The following SDK2 variants were observed in gnomAD, a reference collection of about 807,000 sequenced individuals.
The protein encoded by SDK2 is sidekick cell adhesion molecule 2, also known as protein sidekick-2.
In SDK2, 105 loss-of-function variants were observed where a neutral mutation model predicts 253.9. The observed-to-expected ratio is 0.41, with a 90% CI of 0.35 to 0.49. The LOEUF (loss-of-function observed/expected upper bound fraction) is 0.49. Among genes scored for constraint, SDK2 ranks in the 20% least tolerant of loss-of-function variants. The probability of loss-of-function intolerance (pLI) is 0.06; values close to 1 mark genes in which losing one functional copy is unlikely to be tolerated. For synonymous variants in SDK2, 1,249 were observed against 1,234.9 expected, an observed-to-expected ratio of 1.01 and a Z score of -0.24; for missense variants, 2,608 against 3,003.0, an observed-to-expected ratio of 0.87 and a Z score of 3.07.
In SDK2 at chr17:73,407,515, CAG is replaced by C. The variant is rs559173595; in HGVS notation, c.2485-5376_2485-5375del. ...TAATACTACCAAACCCAAAACAAAA[CAG>C]AAAGACGTCCCCCTCCAACCCAAGC... On this transcript the variant is annotated intron_variant, in intron 18 of 44. Transcript: ENST00000392650. Among the ~76,000 whole-genome samples, 14 of 152,226 alleles carry C rather than the reference CAG, an allele frequency of 9.2e-5. No individual in the cohort carries two copies. In the South Asian group the frequency reaches 2.9e-3, roughly 32 times the overall value.
Position 73,579,058 on chromosome 17 carries a change from C to A in SDK2, c.64+64967G>T, listed in dbSNP as rs557068191. On this transcript the variant is annotated intron_variant, in intron 1 of 44. Coordinates refer to ENST00000392650, the MANE Select transcript of SDK2 (RefSeq NM_001144952.2). ...GCCATCCCCACCCCTCCCTTCCCCT[C>A]GGCATCCTCACTGGTTCCTCCTGGG... 2.0e-5 allele frequency among the ~76,000 whole-genome samples: 3 copies of A among 152,158 alleles called. No homozygotes were observed. In the East Asian group the frequency reaches 5.8e-4, roughly 30 times the overall value.
At chr17:73,576,231 C>T (rs1438393701) in intron 1 of SDK2, among the ~76,000 whole-genome samples, 1 of 152,102 alleles carries the variant, frequency 6.6e-6, no homozygotes, top group African/African-American at 2.4e-5. Context: ...GAGGGAACGT[C>T]CCAAGGATGA....
intron 2 of SDK2, among the ~76,000 whole-genome samples, chr17:73,480,047 A>C (rs1230184750): frequency 1.3e-5 from 2 of 151,950 alleles, no homozygotes; most frequent in Admixed American, 6.6e-5. Flanking sequence ...CCCAATAGTT[A>C]TTTTTTTCTG....
At chr17:73,371,289 A>C (rs945768696) in intron 36 of SDK2, among the ~76,000 whole-genome samples, 4 of 151,758 alleles carry the variant, frequency 2.6e-5, no homozygotes, top group African/African-American at 9.7e-5. Context: ...TGGGAGAATG[A>C]ATGGATTCTC....
chr17:73,523,325 A>C (rs1013759596), intron 1 of SDK2, among the ~76,000 whole-genome samples: 1 of 151,794 alleles, frequency 6.6e-6, no homozygotes, highest in African/African-American at 2.4e-5. Flanking sequence ...GTGCTGTGGA[A>C]TGCTCTTCAT....
At chr17:73,360,066 G>A (rs969955394) in intron 39 of SDK2, among the ~76,000 whole-genome samples, 6 of 152,188 alleles carry the variant, frequency 3.9e-5, no homozygotes, top group Admixed American at 1.3e-4. Context: ...CCTGTCCTCC[G>A]CACAGCCCTC....
intron 1 of SDK2, among the ~76,000 whole-genome samples, chr17:73,573,288 G>A (rs1466043546): frequency 2.6e-5 from 4 of 152,136 alleles, no homozygotes; most frequent in African/African-American, 7.2e-5. Context: ...GTCTAAGGAG[G>A]GTGAGTGAGG....
intron 37 of SDK2, among the ~76,000 whole-genome samples, chr17:73,365,731 G>T (rs547284965): frequency 1.9e-4 from 29 of 152,264 alleles, no homozygotes; most frequent in Non-Finnish European, 4.0e-4. Flanking sequence ...GGTCATCGTG[G>T]GGCAAGGCCA....
At chr17:73,394,948 T>C (rs1009852425) in intron 25 of SDK2, among the ~76,000 whole-genome samples, 2 of 152,122 alleles carry the variant, frequency 1.3e-5, no homozygotes, top group African/African-American at 4.8e-5. Flanking sequence ...CCCTTGGGAA[T>C]ATGGGAATAG....
At chr17:73,421,045 A>T (rs1178253346) in intron 15 of SDK2, among the ~76,000 whole-genome samples, 1 of 152,222 alleles carries the variant, frequency 6.6e-6, no homozygotes. Context: ...GTGCAGCCGC[A>T]GGGCAGGAGA....
At chr17:73,594,325 T>C (rs536004176) in intron 1 of SDK2, among the ~76,000 whole-genome samples, 50 of 152,260 alleles carry the variant, frequency 3.3e-4, no homozygotes, top group African/African-American at 1.1e-3. Context: ...CTGAGTCTCA[T>C]GTCCTCAGAC....
At chr17:73,411,087 A>G (rs981458908) in intron 18 of SDK2, among the ~76,000 whole-genome samples, 2 of 151,648 alleles carry the variant, frequency 1.3e-5, no homozygotes, top group South Asian at 2.1e-4. Context: ...CAGGGTCCCA[A>G]TTAGGAGAGT....
Position 73,424,232 on chromosome 17 carries a change from G to A in SDK2, c.1584-140C>T, listed in dbSNP as rs141708953. Reference sequence around the variant, plus strand: ...AGGCAACAGCCAGGCAGGACACTGGGATCGGGGAGCGGGACACTGTTGAAG... The same window carrying A: ...AGGCAACAGCCAGGCAGGACACTGGAATCGGGGAGCGGGACACTGTTGAAG... On this transcript the variant is annotated intron_variant, in intron 12 of 44. Transcript: ENST00000392650. The A allele has an allele frequency of 1.9e-3, 1,292 of 683,758 alleles. 16 individuals carry two copies. Among genetic ancestry groups the A allele is most frequent in the East Asian group, 0.012 (454 of 36,442 alleles). The allele number at this position is 683,758 out of a possible 1,614,324, so 42.4% of individuals were successfully genotyped here.
intron 14 of SDK2, among the ~76,000 whole-genome samples, chr17:73,423,024 AAATG>A (rs1265363110): frequency 7.9e-6 from 1 of 126,798 alleles, no homozygotes; most frequent in Non-Finnish European, 1.7e-5. Context: ...TCCGTCTCAA[AAATG>A]AATAAATAAA....
chr17:73,423,439 G>T lies in SDK2; in HGVS notation c.1844C>A (p.Pro615His). ...RRAINLTWTKPFDGNSPLIRY... is the reference protein window; with the variant it reads ...RRAINLTWTKHFDGNSPLIRY... ...GATCAGGGGGCTGTTGCCATCAAAG[G>T]GCTTGGTCCACGTCAGGTTGATGGC... Residue 615 changes from proline (P) to histidine (H), a missense_variant, in exon 14 of 45, where the codon CCC (proline) becomes CAC (histidine). Transcript: ENST00000392650. The T allele has an allele frequency of 6.3e-7, 1 of 1,581,270 alleles. No homozygotes were observed. Among genetic ancestry groups the T allele is most frequent in the South Asian group, 1.2e-5 (1 of 85,830 alleles).
chr17:73,566,634 A>C (rs2045315999), intron 1 of SDK2, among the ~76,000 whole-genome samples: 1 of 152,188 alleles, frequency 6.6e-6, no homozygotes, highest in Admixed American at 6.5e-5. Context: ...AGAGGAAAAC[A>C]AACACTTATT....
intron 3 of SDK2, among the ~76,000 whole-genome samples, chr17:73,469,513 C>T (rs1281344708): frequency 6.6e-6 from 1 of 152,224 alleles, no homozygotes; most frequent in Non-Finnish European, 1.5e-5. Flanking sequence ...CTCTGCAGCA[C>T]CTAGGAAATG....
chr17:73,434,139 AC>A (rs1463364704), intron 9 of SDK2, among the ~76,000 whole-genome samples: 1 of 152,102 alleles, frequency 6.6e-6, no homozygotes, highest in African/African-American at 2.4e-5. Context: ...GAAACTGAAG[AC>A]CCCAGGAGGC....
chr17:73,568,615 A>G (rs931140716), intron 1 of SDK2, among the ~76,000 whole-genome samples: 1 of 152,226 alleles, frequency 6.6e-6, no homozygotes, highest in African/African-American at 2.4e-5. Context: ...CCAGAGCCTC[A>G]GACTGGAGAT....
Sources: allele counts gnomAD v4.1 joint callset (sites outside exome capture counted in the v4.1 genomes callset), GRCh38; gene constraint gnomAD v4.1.1; transcripts MANE v1.5; gene names NCBI Gene and HGNC (gene_info 2026-07-23, HGNC 2026-07-21).